PTPRM: variants seen among roughly 807,000 people sequenced by gnomAD.
The protein encoded by PTPRM is protein tyrosine phosphatase receptor type M.
Under a neutral mutation model 186.7 loss-of-function variants are expected in PTPRM, and 47 were observed. The ratio of observed to expected loss-of-function variants is 0.25; its 90% confidence interval spans 0.20 to 0.32. The LOEUF (loss-of-function observed/expected upper bound fraction) is 0.32, where lower values mean the gene tolerates loss of function less well. PTPRM is among the 10% of genes least tolerant of loss of function. PTPRM has a pLI of 1.00. For missense variants in PTPRM, 1,494 were observed against 1,865.0 expected, an observed-to-expected ratio of 0.80 and a Z score of 3.66; for synonymous variants, 668 against 674.9, an observed-to-expected ratio of 0.99 and a Z score of 0.16.
intron 20 of PTPRM, among the ~76,000 whole-genome samples, chr18:8,308,674 C>T (rs184501431): frequency 1.3e-5 from 2 of 152,260 alleles, no homozygotes; most frequent in East Asian, 3.9e-4. Context: ...AACAGATACC[C>T]TATTAGACAG....
chr18:8,250,625 A>G (rs1054748686), intron 17 of PTPRM, among the ~76,000 whole-genome samples: 1 of 151,736 alleles, frequency 6.6e-6, no homozygotes, highest in Non-Finnish European at 1.5e-5. Context: ...TTCAAATAAT[A>G]ATAATAATAA....
chr18:8,289,175 A>C (rs2094993140), intron 19 of PTPRM, among the ~76,000 whole-genome samples: 1 of 151,840 alleles, frequency 6.6e-6, no homozygotes, highest in Admixed American at 6.6e-5. Flanking sequence ...TTTCATACTA[A>C]ATTTCCTTAT....
chr18:7,998,025 G>A (rs2147730774), intron 7 of PTPRM, among the ~76,000 whole-genome samples: 1 of 152,106 alleles, frequency 6.6e-6, no homozygotes, highest in Non-Finnish European at 1.5e-5. Context: ...CCCACTGCTG[G>A]GTATTTGGGT....
At chr18:7,607,437 GCTAGC>G (rs11278464) in intron 1 of PTPRM, among the ~76,000 whole-genome samples, 148,154 of 152,186 alleles carry the variant, frequency 0.97, 72,131 homozygotes, top group East Asian at 1. Context: ...AGAGGAGGCA[GCTAGC>G]CTAGCCTAGC....
chr18:7,583,364 C>T lies in PTPRM; in HGVS notation c.73+15473C>T, dbSNP rs146497198. On this transcript the variant is annotated intron_variant, in intron 1 of 32. Transcript: ENST00000580170. The stretch of plus-strand genomic sequence containing the variant: ...AGGGTTTATGGAACTGAGGCCTCAA[C>T]ACATTTCAGGATGTCCCATGGACAG... Among the ~76,000 whole-genome samples the T allele has an allele frequency of 1.5e-3, 232 of 152,302 alleles. 1 individual carries two copies. The highest frequency in any genetic ancestry group is 5.5e-3 in the African/African-American group (229 of 41,554).
intron 11 of PTPRM, among the ~76,000 whole-genome samples, chr18:8,108,975 A>T (rs1373754005): frequency 6.6e-6 from 1 of 152,192 alleles, no homozygotes; most frequent in Non-Finnish European, 1.5e-5. Flanking sequence ...TCAGCTCACT[A>T]AGCTAGAAAT....
intron 14 of PTPRM, among the ~76,000 whole-genome samples, chr18:8,235,610 T>G (rs2094337416): frequency 6.6e-6 from 1 of 151,830 alleles, no homozygotes; most frequent in South Asian, 2.1e-4. Context: ...TTCTTCTACC[T>G]TCTTTAGATT....
At chr18:8,139,210 C>A (rs1316474184) in intron 13 of PTPRM, among the ~76,000 whole-genome samples, 1 of 152,184 alleles carries the variant, frequency 6.6e-6, no homozygotes, top group Non-Finnish European at 1.5e-5. Context: ...AGTTCTCGCC[C>A]TGTCAGTTAG....
At chr18:7,881,075 GTA>G (rs965738898) in intron 2 of PTPRM, among the ~76,000 whole-genome samples, 2 of 152,094 alleles carry the variant, frequency 1.3e-5, no homozygotes, top group Non-Finnish European at 2.9e-5. Context: ...GAAAGCCTGG[GTA>G]TGTGTGTGTG....
At chr18:7,642,823 C>T (rs1400514606) in intron 1 of PTPRM, among the ~76,000 whole-genome samples, 1 of 143,760 alleles carries the variant, frequency 7.0e-6, no homozygotes, top group African/African-American at 2.6e-5. Flanking sequence ...TAAAGGGGCC[C>T]AAGACTTCAG....
At chr18:8,106,404 T>C (rs140944310) in intron 11 of PTPRM, among the ~76,000 whole-genome samples, 36 of 151,996 alleles carry the variant, frequency 2.4e-4, no homozygotes, top group African/African-American at 6.3e-4. Context: ...AGTTTTAGGG[T>C]GAGAACATTT....
intron 14 of PTPRM, among the ~76,000 whole-genome samples, chr18:8,236,485 A>G (rs1322469375): frequency 1.3e-5 from 2 of 151,978 alleles, no homozygotes; most frequent in Non-Finnish European, 2.9e-5. Context: ...TTTCTTGTAG[A>G]TCATATGTAG....
At chr18:8,385,020 C>A (rs1304703109) in intron 30 of PTPRM, among the ~76,000 whole-genome samples, 1 of 152,038 alleles carries the variant, frequency 6.6e-6, no homozygotes, top group Non-Finnish European at 1.5e-5. Context: ...TTATAGCCAG[C>A]AGGCAGGGTG....
chr18:7,850,722 C>A (rs2046819866), intron 2 of PTPRM, among the ~76,000 whole-genome samples: 1 of 152,176 alleles, frequency 6.6e-6, no homozygotes, highest in Non-Finnish European at 1.5e-5. Flanking sequence ...CTGTTCCCAG[C>A]CTGTGCCTCT....
intron 8 of PTPRM, among the ~76,000 whole-genome samples, chr18:8,070,941 T>C (rs2089438097): frequency 6.6e-6 from 1 of 152,260 alleles, no homozygotes; most frequent in Non-Finnish European, 1.5e-5. Context: ...TAGACTACTT[T>C]ATCGTTTCAT....
chr18:8,359,000 G>T (rs1298601304), intron 23 of PTPRM, among the ~76,000 whole-genome samples: 4 of 152,168 alleles, frequency 2.6e-5, no homozygotes. Context: ...CACTACACCT[G>T]TTTGAAATGA....
intron 1 of PTPRM, among the ~76,000 whole-genome samples, chr18:7,700,427 A>C (rs902026263): frequency 6.6e-6 from 1 of 152,212 alleles, no homozygotes; most frequent in African/African-American, 2.4e-5. Flanking sequence ...GCCTGCTGGC[A>C]AAAGGATGAG....
intron 1 of PTPRM, among the ~76,000 whole-genome samples, chr18:7,579,116 T>C (rs542947926): frequency 7.2e-5 from 11 of 152,164 alleles, no homozygotes; most frequent in Non-Finnish European, 1.5e-4. Flanking sequence ...GCCAACATTA[T>C]GTTTGAAAAG....
intron 7 of PTPRM, among the ~76,000 whole-genome samples, chr18:7,972,157 T>G (rs2054566928): frequency 8.3e-6 from 1 of 120,996 alleles, no homozygotes; most frequent in Non-Finnish European, 1.6e-5. Flanking sequence ...TCATGTCCTT[T>G]GTAGGGACAT....
Sources: allele counts gnomAD v4.1 joint callset (sites outside exome capture counted in the v4.1 genomes callset), GRCh38; gene constraint gnomAD v4.1.1; transcripts MANE v1.5; gene names NCBI Gene and HGNC (gene_info 2026-07-23, HGNC 2026-07-21).